The following SGSM1 variants were observed in gnomAD, a reference collection of about 807,000 sequenced individuals.
SGSM1 encodes the protein small G protein signaling modulator 1, also known as RUN and TBC1 domain containing 2.
SGSM1 carries 73 observed loss-of-function variants against 133.8 expected under a neutral mutation model. The observed-to-expected ratio is 0.55, with a 90% CI of 0.45 to 0.66. The LOEUF is 0.66. Among genes scored for constraint, SGSM1 ranks in the 30% least tolerant of loss-of-function variants. SGSM1 has a pLI of 0.00. For synonymous variants in SGSM1, 563 were observed against 573.0 expected, an observed-to-expected ratio of 0.98 and a Z score of 0.25; for missense variants, 1,213 against 1,448.1, an observed-to-expected ratio of 0.84 and a Z score of 2.64.
chr22:24,893,562 G>A lies in SGSM1; in HGVS notation c.1902G>A (p.Leu634=). Residue 634 remains leucine, a synonymous_variant, in exon 17 of 25, where the codon TTG becomes TTA. Coordinates refer to ENST00000400358, the MANE Select transcript of SGSM1 (RefSeq NM_001098497.3). ...ALAKCSSGAS[L]DSHLHRMLHR... ...CCAAATGCTCATCCGGGGCCAGCTTGGACAGCCACCTGCACCGGATGTTGC... is the reference window on the plus strand; with the variant it reads ...CCAAATGCTCATCCGGGGCCAGCTTAGACAGCCACCTGCACCGGATGTTGC... 6.2e-7 allele frequency: 1 copy of A among 1,601,004 alleles called. No homozygotes were observed. Among genetic ancestry groups the A allele is most frequent in the African/African-American group, 1.3e-5 (1 of 74,828 alleles).
chr22:24,905,608 A>C (rs139628705), intron 21 of SGSM1, among the ~76,000 whole-genome samples: 3 of 152,176 alleles, frequency 2.0e-5, no homozygotes, highest in African/African-American at 7.2e-5. Flanking sequence ...GAACACGGTG[A>C]AACCCTGTCT....
At position 24,839,395 on chromosome 22, in the gene SGSM1, C is replaced by A. The variant is rs547110191; in HGVS notation, c.64-5502C>A. ...TGTTCTTTTAATATGCTGTTGAATT[C>A]TGTTTTTAGCATTTTGTTGAGGATT... On this transcript the variant is annotated intron_variant, in intron 2 of 24. Transcript: ENST00000400358. 5.3e-5 allele frequency among the ~76,000 whole-genome samples: 8 copies of A among 152,216 alleles called. No homozygotes were observed. In the East Asian group the frequency reaches 1.5e-3, roughly 29 times the overall value.
At position 24,884,193 on chromosome 22, in the gene SGSM1, A is replaced by G. The variant is rs771383759; in HGVS notation, c.1636A>G (p.Ser546Gly). 1 of 1,613,126 alleles carries G rather than the reference A, an allele frequency of 6.2e-7. No homozygotes were observed. Among genetic ancestry groups the G allele is most frequent in the Non-Finnish European group, 8.5e-7 (1 of 1,179,268 alleles). Reference sequence around the variant, plus strand: ...GATCTGGGAGCAGTACCTTCACGACAGCACAGTAAGGCTTAGCTGGGCTTG... The same window carrying G: ...GATCTGGGAGCAGTACCTTCACGACGGCACAGTAAGGCTTAGCTGGGCTTG... ...ARIWEQYLHDSTSYEEQELLR... is the reference protein window; with the variant it reads ...ARIWEQYLHDGTSYEEQELLR... Residue 546 changes from serine to glycine, a missense_variant, in exon 15 of 25, where the codon AGC (serine) becomes GGC (glycine). Physicochemically the swap from Ser to Gly is moderately conservative, Grantham distance 56 (BLOSUM62 0). Transcript: ENST00000400358.
In SGSM1 at chr22:24,814,825, C is replaced by A. The variant is rs549697685; in HGVS notation, c.63+8341C>A. 1.1e-4 allele frequency among the ~76,000 whole-genome samples: 16 copies of A among 152,350 alleles called. 1 individual carries two copies. The highest frequency in any genetic ancestry group is 4.4e-5 in the Non-Finnish European group (3 of 68,038). On this transcript the variant is annotated intron_variant, in intron 2 of 24. Transcript: ENST00000400358. ...TGGAATTTAGTCAGAAGAGATATTT[C>A]TTGAGGTCCAAAGGGACAAGCCCTC...
At position 24,852,687 on chromosome 22, in the gene SGSM1, C is replaced by T. The variant is rs550709440; in HGVS notation, c.455+2255C>T. ...CGAACTCCTGGCCTCAGGTGATGCT[C>T]CCACCTTGGCCTCCCAAAGTGCTGG... On this transcript the variant is annotated intron_variant, in intron 5 of 24. Transcript: ENST00000400358. 1.1e-3 allele frequency among the ~76,000 whole-genome samples: 166 copies of T among 152,258 alleles called. 2 individuals carry two copies. In the South Asian group the frequency reaches 0.012, roughly 11 times the overall value.
intron 18 of SGSM1, among the ~76,000 whole-genome samples, chr22:24,896,228 T>A (rs1255457570): frequency 6.6e-6 from 1 of 152,022 alleles, no homozygotes; most frequent in Non-Finnish European, 1.5e-5. Context: ...AGACAGAAGC[T>A]ACATTTCCTT....
At position 24,855,745 on chromosome 22, in the gene SGSM1, G is replaced by T. The variant is rs568686994; in HGVS notation, c.801+65G>T. ...CTCACTCCAGGTTATAGAGGAAAAG[G>T]TCTCTCTGGCTCCAGATTGCCAATC... On this transcript the variant is annotated intron_variant, in intron 8 of 24. Coordinates refer to ENST00000400358, the MANE Select transcript of SGSM1 (RefSeq NM_001098497.3). 283 of 1,612,754 alleles carry T rather than the reference G, an allele frequency of 1.8e-4. No homozygotes were observed. In the South Asian group the frequency reaches 2.7e-3, roughly 15 times the overall value.
intron 2 of SGSM1, among the ~76,000 whole-genome samples, chr22:24,809,154 T>C (rs1433518118): frequency 1.3e-5 from 2 of 152,120 alleles, no homozygotes; most frequent in Non-Finnish European, 2.9e-5. Flanking sequence ...AAAGCACGTC[T>C]CCCCTGTCCT....
rs1601948505 is a variant in SGSM1, at chr22:24,879,447, T to C, written c.1431-15T>C. On this transcript the variant is annotated splice_polypyrimidine_tract_variant and intron_variant, in intron 13 of 24. Coordinates refer to ENST00000400358, the MANE Select transcript of SGSM1 (RefSeq NM_001098497.3). ...TGGATCTATTCTAAGCATCTCCCTC[T>C]TTCTCCACCTGCAGGGCTCCCCTGA... The C allele has an allele frequency of 1.2e-6, 2 of 1,613,216 alleles. No individual in the cohort carries two copies. The highest frequency in any genetic ancestry group is 1.7e-5 in the Admixed American group (1 of 59,922).
At chr22:24,889,777 A>G (rs1422100138) in intron 16 of SGSM1, among the ~76,000 whole-genome samples, 24 of 136,502 alleles carry the variant, frequency 1.8e-4, no homozygotes, top group Middle Eastern at 4.1e-3. Context: ...AGCCTCCCAA[A>G]TAGCTGGGAC....
chr22:24,914,520 A>G (rs1933753321), intron 22 of SGSM1, among the ~76,000 whole-genome samples: 1 of 151,628 alleles, frequency 6.6e-6, no homozygotes, highest in Non-Finnish European at 1.5e-5. Flanking sequence ...TTATTCGTGT[A>G]CCCCTTCTTG....
chr22:24,817,540 A>G (rs1322579399), intron 2 of SGSM1, among the ~76,000 whole-genome samples: 2 of 151,946 alleles, frequency 1.3e-5, no homozygotes, highest in Non-Finnish European at 2.9e-5. Context: ...TTTAGTAGAG[A>G]CTGGGTTTCA....
chr22:24,866,983 C>T, intron 9 of SGSM1, 110 bp from the exon 10 acceptor site: 1 of 980,248 alleles, frequency 1.0e-6, no homozygotes, highest in Admixed American at 2.0e-5. Flanking sequence ...TGCTGGGGAC[C>T]TAATGGGAAG....
chr22:24,898,460 G>T lies in SGSM1; in HGVS notation c.2511G>T (p.Glu837Asp), dbSNP rs1439013233. ...ACAGTGAGGACAACCTCTCGGAGGA[G>T]CCTGAGATGGAAAGTCTCTTCCCTG... The part of the protein sequence containing the change: ...QADSEDNLSE[E>D]PEMESLFPAL... Residue 837 changes from glutamate to aspartate, a missense_variant, in exon 19 of 25, where the codon GAG becomes GAT. By Grantham distance (45) the Glu-to-Asp change is conservative (BLOSUM62 2). Transcript: ENST00000400358. 1 of 1,613,812 alleles carries T rather than the reference G, an allele frequency of 6.2e-7. No homozygotes were observed. The highest frequency in any genetic ancestry group is 1.3e-5 in the African/African-American group (1 of 74,934).
intron 22 of SGSM1, among the ~76,000 whole-genome samples, chr22:24,917,022 G>T (rs920776837): frequency 6.6e-6 from 1 of 150,676 alleles, no homozygotes; most frequent in South Asian, 2.1e-4. Context: ...GGGACTACAT[G>T]CCCAGGCCAC....
At chr22:24,844,542 A>T in intron 2 of SGSM1, 1 of 179,478 alleles carries the variant, frequency 5.6e-6, no homozygotes, top group Non-Finnish European at 1.1e-5. Flanking sequence ...AAAAAGAATG[A>T]GAATAGTGGT....
intron 15 of SGSM1, among the ~76,000 whole-genome samples, chr22:24,885,091 G>GGCATGCACCACCA (rs139717): frequency 0.011 from 1,673 of 151,928 alleles, 65 homozygotes; most frequent in Admixed American, 0.069. Context: ...TGGGATTACA[G>GGCATGCACCACCA]TGCCTGGCCA....
chr22:24,894,403 A>G (rs1303991689), intron 17 of SGSM1, among the ~76,000 whole-genome samples: 1 of 152,224 alleles, frequency 6.6e-6, no homozygotes, highest in Admixed American at 6.5e-5. Flanking sequence ...AAAAAAAGTT[A>G]ATTTTCTTCA....
chr22:24,865,449 G>T (rs753021713), intron 9 of SGSM1, among the ~76,000 whole-genome samples: 1 of 152,218 alleles, frequency 6.6e-6, no homozygotes, highest in Non-Finnish European at 1.5e-5. Flanking sequence ...TCTGGTACAG[G>T]CCAGGGCAGG....
Sources: gnomAD v4.1 joint callset for allele counts (sites outside exome capture counted in the v4.1 genomes callset) on GRCh38, gnomAD v4.1.1 for gene constraint, MANE v1.5 for transcripts, NCBI Gene and HGNC (gene_info 2026-07-23, HGNC 2026-07-21) for gene names.